ZNF346: variants seen among roughly 807,000 people sequenced by gnomAD.
The protein encoded by ZNF346 is zinc finger protein 346.
A neutral mutation model predicts 33.7 loss-of-function variants in ZNF346; 23 were observed. The observed-to-expected ratio is 0.68, with a 90% confidence interval of 0.49 to 0.97. The LOEUF is 0.97. Ranked by LOEUF, ZNF346 falls within the 50% of genes least tolerant of loss-of-function variation. The pLI, the probability that ZNF346 is intolerant of heterozygous loss-of-function variation, is 0.00. For synonymous variants in ZNF346, 134 were observed against 142.4 expected (o/e 0.94, Z 0.42); for missense variants, 340 against 371.1 (o/e 0.92, Z 0.69).
intron 4 of ZNF346, among the ~76,000 whole-genome samples, chr5:177,047,926 A>C (rs904635112): frequency 6.6e-6 from 1 of 152,134 alleles, no homozygotes; most frequent in African/African-American, 2.4e-5. Flanking sequence ...GACATGAGCC[A>C]CCGCACCTGG....
Position 177,026,658 on chromosome 5 carries a change from A to T in ZNF346, c.175+3745A>T, listed in dbSNP as rs180897426. Among the ~76,000 whole-genome samples, 31 of 152,208 alleles carry T rather than the reference A, an allele frequency of 2.0e-4. No homozygotes were observed. The East Asian group carries it at 5.6e-3, about 28-fold the overall frequency. ...ATTACAGGTGTGAGCCACCACACTCAGTTGGTAATATTTCTTTTTACAGTA... is the reference window on the plus strand; with the variant it reads ...ATTACAGGTGTGAGCCACCACACTCTGTTGGTAATATTTCTTTTTACAGTA... On this transcript the variant is annotated intron_variant, in intron 1 of 6. Coordinates refer to ENST00000358149, the MANE Select transcript of ZNF346 (RefSeq NM_012279.4).
downstream of ZNF346, among the ~76,000 whole-genome samples, chr5:177,070,791 G>A (rs974413023): frequency 3.2e-4 from 49 of 151,864 alleles, no homozygotes; most frequent in African/African-American, 1.2e-3. Flanking sequence ...GAGGCGGGGG[G>A]AAAAGTAGCA....
intron 1 of ZNF346, among the ~76,000 whole-genome samples, chr5:177,035,633 C>CTT (rs57259759): frequency 4.1e-4 from 42 of 102,022 alleles, no homozygotes; most frequent in Non-Finnish European, 5.8e-4. Flanking sequence ...GGCTAATTGA[C>CTT]TTTTTTTTTT....
At chr5:177,055,034 GTT>G (rs1213847902) in intron 5 of ZNF346, among the ~76,000 whole-genome samples, 31 of 137,324 alleles carry the variant, frequency 2.3e-4, no homozygotes, top group Admixed American at 7.3e-5. Context: ...AAATACGTAG[GTT>G]TTTTTTTTTT....
chr5:177,064,483 C>T, intron 6 of ZNF346, 29 bp from the exon 7 acceptor site: 2 of 1,581,116 alleles, frequency 1.3e-6, no homozygotes, highest in Non-Finnish European at 1.7e-6. Context: ...ACACACTGAC[C>T]CTCTTCCTTT....
At chr5:177,059,460 G>A (rs1336113704) in intron 5 of ZNF346, among the ~76,000 whole-genome samples, 6 of 152,140 alleles carry the variant, frequency 3.9e-5, no homozygotes, top group South Asian at 2.1e-4. Flanking sequence ...CATCTACCAC[G>A]CAGATCAAAT....
At chr5:177,042,166 G>A (rs538480427) in intron 3 of ZNF346, 18 of 234,536 alleles carry the variant, frequency 7.7e-5, no homozygotes, top group African/African-American at 2.2e-4. Context: ...ACATATTACC[G>A]CCTAGTGGTT....
At chr5:177,023,448 C>T (rs1163390440) in intron 1 of ZNF346, among the ~76,000 whole-genome samples, 2 of 152,136 alleles carry the variant, frequency 1.3e-5, no homozygotes, top group African/African-American at 4.8e-5. Flanking sequence ...TGCTGGGTCC[C>T]TTATTCTAAG....
intron 1 of ZNF346, among the ~76,000 whole-genome samples, chr5:177,032,620 A>G (rs541245657): frequency 1.3e-5 from 2 of 152,264 alleles, no homozygotes; most frequent in South Asian, 4.2e-4. Flanking sequence ...CACGTTGGCC[A>G]GCCTGGTCTC....
rs1425747669 is a variant in ZNF346, at chr5:177,051,366, G to A, written c.703+430G>A. On this transcript the variant is annotated intron_variant, in intron 5 of 6. Coordinates refer to ENST00000358149, the MANE Select transcript of ZNF346 (RefSeq NM_012279.4). ...ATTTTTTTGTATTTTTAGTAGAGAC[G>A]GGGTTTCACCATGTTAGCCAGGATG... Among the ~76,000 whole-genome samples, 9 of 151,188 alleles carry A rather than the reference G, an allele frequency of 6.0e-5. No individual in the cohort carries two copies. In the South Asian group the frequency reaches 6.3e-4, roughly 11 times the overall value.
chr5:177,028,469 AT>A (rs1339780861), intron 1 of ZNF346, among the ~76,000 whole-genome samples: 3 of 116,430 alleles, frequency 2.6e-5, no homozygotes, highest in Non-Finnish European at 5.2e-5. Flanking sequence ...AAAATTATAA[AT>A]TTCTCTCTTA....
chr5:177,042,523 C>A (rs1779468017), intron 3 of ZNF346, among the ~76,000 whole-genome samples: 2 of 152,034 alleles, frequency 1.3e-5, no homozygotes, highest in Admixed American at 1.3e-4. Context: ...AGAGATAATG[C>A]CTACTTCTTA....
chr5:177,034,167 G>A (rs1292087974), intron 1 of ZNF346, among the ~76,000 whole-genome samples: 1 of 149,968 alleles, frequency 6.7e-6, no homozygotes, highest in East Asian at 2.0e-4. Context: ...ACAAGTGCAT[G>A]CAGGCTACCA....
chr5:177,073,855 T>C (rs1313998295), intron 8 of ZNF346, among the ~76,000 whole-genome samples: 2 of 152,028 alleles, frequency 1.3e-5, no homozygotes, highest in African/African-American at 2.4e-5. Flanking sequence ...CCCAGTCTCT[T>C]GAATCTGAAC....
chr5:177,070,025 T>A (rs1190148294), downstream of ZNF346, among the ~76,000 whole-genome samples: 1 of 152,198 alleles, frequency 6.6e-6, no homozygotes, highest in Non-Finnish European at 1.5e-5. Flanking sequence ...ATAAAACTGC[T>A]GTGAAGGATT....
Position 177,036,968 on chromosome 5 carries a change from GAA to G in ZNF346, c.176-4149_176-4148del, listed in dbSNP as rs916382074. 6.2e-5 allele frequency among the ~76,000 whole-genome samples: 9 copies of G among 146,304 alleles called. No individual in the cohort carries two copies. The South Asian group carries it at 1.3e-3, about 21-fold the overall frequency. ...GTTTGTTTGTTTTTCCCCATCTGGG[GAA>G]AAAAAAAAGCCGCTGATTCCTACTG... On this transcript the variant is annotated intron_variant, in intron 1 of 6. Transcript: ENST00000358149.
Position 177,078,474 on chromosome 5 carries a change from G to A in ZNF346, c.*3-908G>A, listed in dbSNP as rs191243111. On this transcript the variant is annotated intron_variant, in intron 8 of 8. Transcript: ENST00000503039. ...GGAGCTGGGGGTGCCAGTGGGTGGT[G>A]GGGGGAGAGTAGTTAAGGGTGAGGA... Among the ~76,000 whole-genome samples the A allele has an allele frequency of 3.2e-4, 48 of 152,276 alleles. No individual in the cohort carries two copies. In the East Asian group the frequency reaches 6.6e-3, roughly 21 times the overall value.
Position 177,066,452 on chromosome 5 carries a change from T to C in ZNF346, c.*1853T>C, listed in dbSNP as rs1783171078. On this transcript the variant is annotated 3_prime_UTR_variant, in exon 7 of 7. Coordinates refer to ENST00000358149, the MANE Select transcript of ZNF346 (RefSeq NM_012279.4). ...TTTTATTGAATGAACAAATGAGGTGTATGAGGAGAGATGGTTTTCTCCTGC... is the reference window on the plus strand; with the variant it reads ...TTTTATTGAATGAACAAATGAGGTGCATGAGGAGAGATGGTTTTCTCCTGC... Among the ~76,000 whole-genome samples the C allele has an allele frequency of 6.6e-6, 1 of 152,032 alleles. No homozygotes were observed. Among genetic ancestry groups the C allele is most frequent in the Admixed American group, 6.5e-5 (1 of 15,268 alleles).
At chr5:177,080,313 G>A (rs1783927510) in exon 9 of ZNF346, 1 of 152,350 alleles carries the variant, frequency 6.6e-6, no homozygotes, top group South Asian at 2.1e-4. Flanking sequence ...GCTTTTGGGT[G>A]GGTCCCAGGC....
Sources: allele counts gnomAD v4.1 joint callset (sites outside exome capture counted in the v4.1 genomes callset), GRCh38; gene constraint gnomAD v4.1.1; transcripts MANE v1.5; gene names NCBI Gene and HGNC (gene_info 2026-07-23, HGNC 2026-07-21).